Variants in DTWD2 observed in about 807,000 individuals in gnomAD.
DTWD2 encodes tRNA-uridine aminocarboxypropyltransferase 2.
DTWD2 carries 39 observed loss-of-function variants against 31.8 expected under a neutral mutation model. The observed-to-expected ratio is 1.22, with a 90% CI of 0.95 to 1.60. DTWD2 has a LOEUF of 1.60. Ranked by LOEUF, DTWD2 falls within the 40% of genes most tolerant of loss-of-function variation. The probability of loss-of-function intolerance (pLI) is 0.00; values close to 1 mark genes in which losing one functional copy is unlikely to be tolerated. For missense variants in DTWD2, 515 were observed against 381.5 expected (o/e 1.35, Z -2.92); for synonymous variants, 180 against 142.8 (o/e 1.26, Z -1.86).
intron 5 of DTWD2, 35 bp downstream of exon 5, chr5:118,848,055 C>A: frequency 6.8e-7 from 1 of 1,467,528 alleles, no homozygotes; most frequent in Non-Finnish European, 9.0e-7. Context: ...AAGAAAACTC[C>A]CACTTTGAAA....
At chr5:118,988,039 C>G (rs1404759125) in intron 1 of DTWD2, 9 of 700,600 alleles carry the variant, frequency 1.3e-5, no homozygotes, top group African/African-American at 5.3e-5. Flanking sequence ...TTCTTGGAAA[C>G]AGAACTGATG....
intron 5 of DTWD2, among the ~76,000 whole-genome samples, chr5:118,845,886 G>C (rs1751841250): frequency 6.6e-6 from 1 of 152,022 alleles, no homozygotes; most frequent in Non-Finnish European, 1.5e-5. Context: ...ACATCACAAA[G>C]CACAATCTAG....
intron 4 of DTWD2, among the ~76,000 whole-genome samples, chr5:118,908,163 T>C (rs1221751467): frequency 6.6e-6 from 1 of 152,114 alleles, no homozygotes; most frequent in Non-Finnish European, 1.5e-5. Flanking sequence ...TTTTTCCTCC[T>C]AAGTACAACA....
chr5:118,843,512 T>G (rs901639190), intron 5 of DTWD2, among the ~76,000 whole-genome samples: 1 of 152,200 alleles, frequency 6.6e-6, no homozygotes, highest in Non-Finnish European at 1.5e-5. Flanking sequence ...CTAAAATAAC[T>G]ATATATGACT....
intron 1 of DTWD2, among the ~76,000 whole-genome samples, chr5:118,982,131 C>T (rs1755315687): frequency 6.6e-6 from 1 of 152,160 alleles, no homozygotes; most frequent in Admixed American, 6.6e-5. Context: ...CCAGTGAACT[C>T]TTTTTAAGTG....
At chr5:118,873,635 C>T (rs1192134046) in intron 4 of DTWD2, among the ~76,000 whole-genome samples, 3 of 152,228 alleles carry the variant, frequency 2.0e-5, no homozygotes, top group South Asian at 2.1e-4. Context: ...CCCATCGCCC[C>T]TGCCAATCCC....
chr5:118,941,814 A>G (rs1305585913), intron 2 of DTWD2, among the ~76,000 whole-genome samples: 3 of 152,124 alleles, frequency 2.0e-5, no homozygotes, highest in South Asian at 2.1e-4. Context: ...AAGTGTTCCT[A>G]TTTCTCCACA....
At chr5:118,885,456 C>CAAAAA (rs34550372) in intron 4 of DTWD2, among the ~76,000 whole-genome samples, 2 of 57,514 alleles carry the variant, frequency 3.5e-5, no homozygotes, top group African/African-American at 7.2e-5. Context: ...GACTCCACCT[C>CAAAAA]AAAAAAAAAA....
chr5:118,957,551 T>A lies in DTWD2; in HGVS notation c.219-12902A>T, dbSNP rs536274750. 2.6e-5 allele frequency among the ~76,000 whole-genome samples: 4 copies of A among 152,208 alleles called. 1 individual carries two copies. The South Asian group carries it at 6.2e-4, about 24-fold the overall frequency. On this transcript the variant is annotated intron_variant, in intron 1 of 5. Transcript: ENST00000510708. Reference sequence around the variant, plus strand: ...GTGATTTTTTAATTACAGTGTGAAGTTGTCCTATCCTAAAACGGTGATATA... The same window carrying A: ...GTGATTTTTTAATTACAGTGTGAAGATGTCCTATCCTAAAACGGTGATATA...
In DTWD2 at chr5:118,877,491, A is replaced by G. The variant is rs531495823; in HGVS notation, c.598-29273T>C. 3.3e-4 allele frequency among the ~76,000 whole-genome samples: 50 copies of G among 152,122 alleles called. No homozygotes were observed. The South Asian group carries it at 0.01, about 32-fold the overall frequency. ...CGTCTCAAAAATAAAAAAAATAAAA[A>G]AAATAAAAAAAGCTCTCAAGAAACC... On this transcript the variant is annotated intron_variant, in intron 4 of 5. Coordinates refer to ENST00000510708, the MANE Select transcript of DTWD2 (RefSeq NM_173666.4).
In DTWD2 at chr5:118,838,038, T is replaced by C. The variant is rs1476784756; in HGVS notation, c.*2879A>G. The C allele has an allele frequency of 6.6e-6, 1 of 152,200 alleles. No individual in the cohort carries two copies. Among genetic ancestry groups the C allele is most frequent in the Non-Finnish European group, 1.5e-5 (1 of 68,046 alleles). 9.4% of individuals were successfully genotyped at this position (152,200 alleles called of 1,614,324 possible). A position where few individuals can be genotyped will look rare whatever the true frequency, so the allele number is the denominator to read the frequency against. On this transcript the variant is annotated 3_prime_UTR_variant, in exon 6 of 6. Coordinates refer to ENST00000510708, the MANE Select transcript of DTWD2 (RefSeq NM_173666.4). ...AAAAGTGTCTCTGGAGTCTTCAAGT[T>C]AGAGAAAATAATTTTTTCCCAATAT...
At chr5:118,931,732 T>C (rs1290496291) in intron 3 of DTWD2, among the ~76,000 whole-genome samples, 2 of 152,170 alleles carry the variant, frequency 1.3e-5, no homozygotes, top group African/African-American at 4.8e-5. Context: ...GCATTATCAA[T>C]CAACTTGATC....
chr5:118,977,534 G>C (rs1755192710), intron 1 of DTWD2, among the ~76,000 whole-genome samples: 1 of 152,030 alleles, frequency 6.6e-6, no homozygotes, highest in Non-Finnish European at 1.5e-5. Flanking sequence ...GCATTCCTAT[G>C]TACCAACAAC....
At chr5:118,943,229 C>T (rs1754246241) in intron 2 of DTWD2, among the ~76,000 whole-genome samples, 1 of 152,108 alleles carries the variant, frequency 6.6e-6, no homozygotes, top group South Asian at 2.1e-4. Flanking sequence ...TGTCATAATC[C>T]TGACAAAAGC....
rs549664366 is a variant in DTWD2 at position 118,914,117 on chromosome 5, G to A, written c.597+14420C>T. Among the ~76,000 whole-genome samples the A allele has an allele frequency of 8.5e-5, 13 of 152,100 alleles. No individual in the cohort carries two copies. In the East Asian group the frequency reaches 1.2e-3, roughly 14 times the overall value. On this transcript the variant is annotated intron_variant, in intron 4 of 5. Transcript: ENST00000510708. ...GAAGTTTTGTATCCTTGGTGGTTTC[G>A]CCTTACTCTGGTTTAAATGTGTCCC... is the stretch of plus-strand genomic sequence containing the variant.
intron 1 of DTWD2, among the ~76,000 whole-genome samples, chr5:118,979,120 T>C (rs1391292546): frequency 2.0e-5 from 3 of 151,746 alleles, no homozygotes; most frequent in Non-Finnish European, 4.4e-5. Flanking sequence ...CTGGCTAACA[T>C]GGTGAAACCC....
At chr5:118,900,058 C>T (rs956791254) in intron 4 of DTWD2, among the ~76,000 whole-genome samples, 1 of 152,122 alleles carries the variant, frequency 6.6e-6, no homozygotes, top group Non-Finnish European at 1.5e-5. Context: ...CTGCCCACCT[C>T]GGCCTCCCAA....
chr5:118,988,156 G>C lies in DTWD2; in HGVS notation c.218+138C>G, dbSNP rs1229638042. 1.0e-5 allele frequency: 11 copies of C among 1,085,834 alleles called. No homozygotes were observed. The African/African-American group carries it at 1.1e-4, about 11-fold the overall frequency. The allele number at this position is 1,085,834 out of a possible 1,614,324, so 67.3% of individuals were successfully genotyped here. Reference sequence around the variant, plus strand: ...AGGTAGCTGTGCCTGGCATTTCCGAGATTTCCAACGTGCACCCGCCAACTC... The same window carrying C: ...AGGTAGCTGTGCCTGGCATTTCCGACATTTCCAACGTGCACCCGCCAACTC... On this transcript the variant is annotated intron_variant, in intron 1 of 5. Transcript: ENST00000510708.
chr5:118,958,556 T>C (rs1754640482), intron 1 of DTWD2, among the ~76,000 whole-genome samples: 3 of 113,622 alleles, frequency 2.6e-5, no homozygotes, highest in Admixed American at 9.1e-5. Context: ...ATGACAAATA[T>C]AACATTAACA....
Sources: allele counts gnomAD v4.1 joint callset (sites outside exome capture counted in the v4.1 genomes callset), GRCh38; gene constraint gnomAD v4.1.1; transcripts MANE v1.5; gene names NCBI Gene and HGNC (gene_info 2026-07-23, HGNC 2026-07-21).